Variants in NSL1 observed in about 807,000 individuals in gnomAD.
The protein encoded by NSL1 is kinetochore-associated protein NSL1 homolog.
NSL1 carries 11 observed loss-of-function variants against 25.4 expected under a neutral mutation model. The ratio of observed to expected loss-of-function variants is 0.43; its 90% CI spans 0.27 to 0.72. The LOEUF (loss-of-function observed/expected upper bound fraction) is 0.72. Ranked by LOEUF, NSL1 falls within the 30% of genes least tolerant of loss-of-function variation. The pLI is 0.19. For missense variants in NSL1, 330 were observed against 342.7 expected (o/e 0.96, Z 0.29); for synonymous variants, 118 against 120.6 (o/e 0.98, Z 0.14).
chr1:212,761,154 G>A (rs1316725959), intron 4 of NSL1, among the ~76,000 whole-genome samples: 1 of 152,218 alleles, frequency 6.6e-6, no homozygotes, highest in Non-Finnish European at 1.5e-5. Context: ...TTCACCAAAT[G>A]TGCAGGTATC....
In NSL1 at chr1:212,755,584, T is replaced by C. The variant is rs994379148; in HGVS notation, c.500-15983A>G. Among the ~76,000 whole-genome samples the C allele has an allele frequency of 2.7e-5, 4 of 147,324 alleles. No individual in the cohort carries two copies. In the East Asian group the frequency reaches 7.8e-4, roughly 29 times the overall value. On this transcript the variant is annotated intron_variant, in intron 4 of 5. Coordinates refer to ENST00000366977, the MANE Select transcript of NSL1 (RefSeq NM_015471.4). The stretch of plus-strand genomic sequence containing the variant: ...AATAAAATGCATTATGTAATATTTA[T>C]ATAAACAACTAAAAAAACCCCTGTG...
At chr1:212,766,531 G>T (rs1209994327) in intron 4 of NSL1, among the ~76,000 whole-genome samples, 3 of 151,676 alleles carry the variant, frequency 2.0e-5, no homozygotes, top group Admixed American at 6.6e-5. Context: ...TGTAGTCCCA[G>T]CTCCTTGGGA....
chr1:212,750,550 G>A (rs75671742), intron 4 of NSL1, among the ~76,000 whole-genome samples: 3,465 of 152,196 alleles, frequency 0.023, 63 homozygotes, highest in South Asian at 0.042. Context: ...CCGAGGAAAA[G>A]ATAAAGTTTA....
At position 212,738,080 on chromosome 1, in the gene NSL1, A is replaced by G. The variant is rs1658311333; in HGVS notation, c.*328T>C. On this transcript the variant is annotated 3_prime_UTR_variant, in exon 6 of 6. Transcript: ENST00000366977. The stretch of plus-strand genomic sequence containing the variant: ...CCAGGGAAACACAACAGAATTTGTT[A>G]CTTGTTAAATCCCACAAAAGCTACA... 5 of 1,013,990 alleles carry G rather than the reference A, an allele frequency of 4.9e-6. No homozygotes were observed. In the South Asian group the frequency reaches 2.2e-4, roughly 46 times the overall value. The allele number at this position is 1,013,990 out of a possible 1,614,324, so 62.8% of individuals were successfully genotyped here. A position where few individuals can be genotyped will look rare whatever the true frequency, so the allele number is the denominator to read the frequency against.
intron 4 of NSL1, among the ~76,000 whole-genome samples, chr1:212,741,722 AT>A (rs540029566): frequency 1.3e-5 from 2 of 152,290 alleles, no homozygotes; most frequent in East Asian, 3.9e-4. Flanking sequence ...AGTCTCAGAT[AT>A]TTCTTTACAG....
intron 3 of NSL1, 100 bp from the exon 4 acceptor site, chr1:212,782,526 T>C: frequency 2.3e-6 from 2 of 879,418 alleles, no homozygotes; most frequent in Non-Finnish European, 3.7e-6. Context: ...TCAGTACCAT[T>C]CTTTTGAGGA....
intron 4 of NSL1, among the ~76,000 whole-genome samples, chr1:212,779,673 C>A (rs1323978513): frequency 8.7e-6 from 1 of 115,250 alleles, no homozygotes; most frequent in Non-Finnish European, 1.8e-5. Context: ...TGCCTGGCCG[C>A]CCCTACTGGG....
At position 212,760,462 on chromosome 1, in the gene NSL1, TCCTG is replaced by T. The variant is rs2102452956; in HGVS notation, c.500-20865_500-20862del. ...GGGTGCCTGAGCATACCGTTTGAGGTCCTGAGGTTCACCCCACTGGCCACTACTG... is the reference window on the plus strand; with the variant it reads ...GGGTGCCTGAGCATACCGTTTGAGGTAGGTTCACCCCACTGGCCACTACTG... On this transcript the variant is annotated intron_variant, in intron 4 of 5. Coordinates refer to ENST00000366977, the MANE Select transcript of NSL1 (RefSeq NM_015471.4). The surrounding 1 kb of genome is among the most constrained non-coding windows in gnomAD (Gnocchi z 4.3). Among the ~76,000 whole-genome samples, 1 of 152,044 alleles carries T rather than the reference TCCTG, an allele frequency of 6.6e-6. No individual in the cohort carries two copies. Among genetic ancestry groups the T allele is most frequent in the Non-Finnish European group, 1.5e-5 (1 of 67,968 alleles).
rs1657821535 is a variant in NSL1 at position 212,727,122 on chromosome 1, T to A, written c.*11286A>T. On this transcript the variant is annotated 3_prime_UTR_variant, in exon 6 of 6. Coordinates refer to ENST00000366977, the MANE Select transcript of NSL1 (RefSeq NM_015471.4). ...TCACCAGAGGCAGAAGGGATGAAGG[T>A]TCCCCGATCCCCTTCTCTCCTAAAC... The A allele has an allele frequency of 1.3e-6, 2 of 1,567,146 alleles. No homozygotes were observed. Among genetic ancestry groups the A allele is most frequent in the Admixed American group, 3.7e-5 (2 of 53,930 alleles).
chr1:212,732,117 A>G lies in NSL1; in HGVS notation c.*6291T>C. On this transcript the variant is annotated 3_prime_UTR_variant, in exon 6 of 6. Transcript: ENST00000366977. ...TTGTTCACTGGAGAACTAATTTGTA[A>G]CCATGATTACATTTCTTTTTTTGTA... 1.0e-6 allele frequency: 1 copy of G among 983,782 alleles called. No homozygotes were observed. Among genetic ancestry groups the G allele is most frequent in the Non-Finnish European group, 1.2e-6 (1 of 828,818 alleles). The allele number at this position is 983,782 out of a possible 1,614,324, so 60.9% of individuals were successfully genotyped here. A position where few individuals can be genotyped will look rare whatever the true frequency, so the allele number is the denominator to read the frequency against.
chr1:212,740,951 G>A (rs1416296284), intron 4 of NSL1, among the ~76,000 whole-genome samples: 1 of 152,084 alleles, frequency 6.6e-6, no homozygotes, highest in South Asian at 2.1e-4. Context: ...AATATCTGTA[G>A]CTTTAAGTAA....
Position 212,735,395 on chromosome 1 carries a change from C to T in NSL1, c.*3013G>A, listed in dbSNP as rs1255648551. ...AGATAGGTGTTCACCAGAAATCAAA[C>T]AAATTCAGCCTTAGAAAAGAAAAAG... On this transcript the variant is annotated 3_prime_UTR_variant, in exon 6 of 6. Coordinates refer to ENST00000366977, the MANE Select transcript of NSL1 (RefSeq NM_015471.4). 2.2e-5 allele frequency: 22 copies of T among 985,270 alleles called. No individual in the cohort carries two copies. The highest frequency in any genetic ancestry group is 2.7e-5 in the Non-Finnish European group (22 of 829,914). 61.0% of individuals were successfully genotyped at this position (985,270 alleles called of 1,614,324 possible).
chr1:212,727,157 AGCTAGTCCACCAG>A lies in NSL1; in HGVS notation c.*11238_*11250del. 1 of 1,575,274 alleles carries A rather than the reference AGCTAGTCCACCAG, an allele frequency of 6.3e-7. No individual in the cohort carries two copies. On this transcript the variant is annotated 3_prime_UTR_variant, in exon 6 of 6. Coordinates refer to ENST00000366977, the MANE Select transcript of NSL1 (RefSeq NM_015471.4). ...CCCTTCTCTCCTAAACTGCCCCTAG[AGCTAGTCCACCAG>A]GCTTGGCTCCTAATGTGTTAAATGG...
At chr1:212,767,921 A>G (rs1220623841) in intron 4 of NSL1, among the ~76,000 whole-genome samples, 2 of 152,230 alleles carry the variant, frequency 1.3e-5, no homozygotes, top group Non-Finnish European at 2.9e-5. Context: ...TCAAAAAACA[A>G]TAGATGTTGG....
At chr1:212,782,566 A>G in intron 3 of NSL1, 140 bp from the exon 4 acceptor site, 1 of 661,832 alleles carries the variant, frequency 1.5e-6, no homozygotes, top group East Asian at 2.8e-5. Context: ...GTCTGTAGGG[A>G]AGAGGAGGTG....
chr1:212,768,975 G>A (rs1319110429), intron 4 of NSL1, among the ~76,000 whole-genome samples: 1 of 152,080 alleles, frequency 6.6e-6, no homozygotes, highest in Non-Finnish European at 1.5e-5. Context: ...CCTCCCAGGA[G>A]GTGGAGGCTG....
chr1:212,770,923 C>A (rs1350202197), intron 4 of NSL1, among the ~76,000 whole-genome samples: 2 of 152,264 alleles, frequency 1.3e-5, no homozygotes, highest in East Asian at 1.9e-4. Context: ...GAGTGTGATA[C>A]ATCACATCAA....
rs1658031438 is a variant in NSL1, at chr1:212,731,926, AC to A, written c.*6481del. The A allele has an allele frequency of 2.0e-6, 2 of 984,308 alleles. No homozygotes were observed. Among genetic ancestry groups the A allele is most frequent in the South Asian group, 9.4e-5 (2 of 21,242 alleles). The allele number at this position is 984,308 out of a possible 1,614,324, so 61.0% of individuals were successfully genotyped here. A position where few individuals can be genotyped will look rare whatever the true frequency, so the allele number is the denominator to read the frequency against. On this transcript the variant is annotated 3_prime_UTR_variant, in exon 6 of 6. Transcript: ENST00000366977. ...ACCCAGCAGCTATAAGGGCCTCCAC[AC>A]CCCACCTTACTGCTTTAACCAATGT...
At chr1:212,771,180 G>A (rs1278858421) in intron 4 of NSL1, among the ~76,000 whole-genome samples, 1 of 152,118 alleles carries the variant, frequency 6.6e-6, no homozygotes, top group Non-Finnish European at 1.5e-5. Context: ...CAGGCGTGGT[G>A]GCGCATGCCT....
Sources: allele counts gnomAD v4.1 joint callset (sites outside exome capture counted in the v4.1 genomes callset), GRCh38; gene constraint gnomAD v4.1.1; non-coding constraint Gnocchi (gnomAD v3.1); transcripts MANE v1.5; gene names NCBI Gene and HGNC (gene_info 2026-07-23, HGNC 2026-07-21).